GFOD1: variants seen among roughly 807,000 people sequenced by gnomAD.
GFOD1 encodes the protein Gfo/Idh/MocA-like oxidoreductase domain containing 1, also known as glucose-fructose oxidoreductase domain-containing protein 1.
GFOD1 carries 9 observed loss-of-function variants against 25.4 expected under a neutral mutation model. The ratio of observed to expected loss-of-function variants is 0.35; its 90% CI spans 0.21 to 0.62. The LOEUF is 0.62. GFOD1 is among the 20% of genes least tolerant of loss of function. The pLI, the probability that GFOD1 is intolerant of heterozygous loss-of-function variation, is 0.72. For missense variants in GFOD1, 403 were observed against 556.9 expected, an observed-to-expected ratio of 0.72 and a Z score of 2.78; for synonymous variants, 253 against 245.6, an observed-to-expected ratio of 1.03 and a Z score of -0.28.
At chr6:13,369,201 C>T (rs1327768640) in intron 1 of GFOD1, among the ~76,000 whole-genome samples, 2 of 152,180 alleles carry the variant, frequency 1.3e-5, no homozygotes, top group Non-Finnish European at 2.9e-5. Flanking sequence ...TGTTGCCTGC[C>T]CCACCTTTGT....
At chr6:13,428,516 ATGC>A (rs1757685669) in intron 1 of GFOD1, among the ~76,000 whole-genome samples, 1 of 92,130 alleles carries the variant, frequency 1.1e-5, no homozygotes, top group Admixed American at 9.8e-5. Context: ...GTGCGATGCG[ATGC>A]GCTGGCTTTT....
Position 13,486,774 on chromosome 6 carries a change from C to G in GFOD1, c.117G>C (p.Ala39=). 1 of 1,614,168 alleles carries G rather than the reference C, an allele frequency of 6.2e-7. No homozygotes were observed. Among genetic ancestry groups the G allele is most frequent in the Non-Finnish European group, 8.5e-7 (1 of 1,180,016 alleles). ...CACTCATCTCCTTGGCCAGCTCCTCCGCTTCTTCCTGCGTGCGGCCCCACA... is the reference window on the plus strand; with the variant it reads ...CACTCATCTCCTTGGCCAGCTCCTCGGCTTCTTCCTGCGTGCGGCCCCACA... ...KALWGRTQEE[A]EELAKEMSVP... Residue 39 remains alanine, a synonymous_variant, in exon 1 of 2, where the codon GCG becomes GCC. Coordinates refer to ENST00000379287, the MANE Select transcript of GFOD1 (RefSeq NM_018988.4).
At position 13,360,180 on chromosome 6, in the gene GFOD1, G is replaced by A. The variant is rs1784926078; in HGVS notation, c.*4563C>T. The A allele has an allele frequency of 6.4e-6, 1 of 156,790 alleles. No individual in the cohort carries two copies. The highest frequency in any genetic ancestry group is 6.2e-5 in the Admixed American group (1 of 16,150). 9.7% of individuals were successfully genotyped at this position (156,790 alleles called of 1,614,324 possible). Reference sequence around the variant, plus strand: ...GGCTCTACCACTAAAGATGTGGGTGGCCTTGACCATCACTCTCTGTTATGT... The same window carrying A: ...GGCTCTACCACTAAAGATGTGGGTGACCTTGACCATCACTCTCTGTTATGT... On this transcript the variant is annotated 3_prime_UTR_variant, in exon 2 of 2. Coordinates refer to ENST00000379287, the MANE Select transcript of GFOD1 (RefSeq NM_018988.4).
chr6:13,419,785 TG>T (rs1458130576), intron 1 of GFOD1, among the ~76,000 whole-genome samples: 9 of 152,196 alleles, frequency 5.9e-5, no homozygotes, highest in African/African-American at 2.2e-4. Context: ...TGCTTCCACC[TG>T]AAACCTGCTG....
At chr6:13,387,193 T>C (rs551749959) in intron 1 of GFOD1, among the ~76,000 whole-genome samples, 11 of 152,284 alleles carry the variant, frequency 7.2e-5, no homozygotes, top group African/African-American at 2.6e-4. Context: ...CTCAGAGCCA[T>C]TAATGTTTAC....
chr6:13,459,552 T>C (rs1042017326), intron 1 of GFOD1, among the ~76,000 whole-genome samples: 1 of 151,892 alleles, frequency 6.6e-6, no homozygotes, highest in African/African-American at 2.4e-5. Context: ...AAAGAAACTA[T>C]CATCAGAGCA....
At chr6:13,381,438 G>A (rs1447984695) in intron 1 of GFOD1, among the ~76,000 whole-genome samples, 1 of 152,224 alleles carries the variant, frequency 6.6e-6, no homozygotes, top group Non-Finnish European at 1.5e-5. Flanking sequence ...CCAGGATACA[G>A]GTAATAAAGG....
In GFOD1 at chr6:13,374,267, T is replaced by G. The variant is rs199775421; in HGVS notation, c.254-8605A>C. 6.8e-3 allele frequency among the ~76,000 whole-genome samples: 907 copies of G among 133,884 alleles called. 19 individuals are homozygous for G. The highest frequency in any genetic ancestry group is 0.034 in the Middle Eastern group (9 of 266). The allele number at this position is 133,884 out of a possible 152,430, so 87.8% of individuals were successfully genotyped here. On this transcript the variant is annotated intron_variant, in intron 1 of 1. Coordinates refer to ENST00000379287, the MANE Select transcript of GFOD1 (RefSeq NM_018988.4). ...AGCCTAGTCTTTTTAAAAATATGTT[T>G]TTTTTTTGTGTGTGTGTGTGTGTGT...
intron 1 of GFOD1, among the ~76,000 whole-genome samples, chr6:13,429,837 A>G (rs1173892033): frequency 6.6e-6 from 1 of 152,238 alleles, no homozygotes; most frequent in Non-Finnish European, 1.5e-5. Flanking sequence ...TGTAATATAT[A>G]CATTATTATA....
intron 1 of GFOD1, among the ~76,000 whole-genome samples, chr6:13,378,711 C>A (rs1389890347): frequency 6.6e-6 from 1 of 152,136 alleles, no homozygotes; most frequent in Non-Finnish European, 1.5e-5. Flanking sequence ...GATGGGCATG[C>A]CACATACTCC....
chr6:13,473,562 C>T (rs570697620), intron 1 of GFOD1, among the ~76,000 whole-genome samples: 10 of 152,366 alleles, frequency 6.6e-5, no homozygotes, highest in African/African-American at 2.4e-4. Flanking sequence ...GTGACACTTA[C>T]TGCTGATGAA....
At chr6:13,382,459 T>C (rs986626670) in intron 1 of GFOD1, among the ~76,000 whole-genome samples, 2 of 152,150 alleles carry the variant, frequency 1.3e-5, no homozygotes, top group African/African-American at 4.8e-5. Context: ...CCTGCCACCA[T>C]GTAAGATGTG....
In GFOD1 at chr6:13,393,158, C is replaced by T. The variant is rs535119597; in HGVS notation, c.254-27496G>A. Among the ~76,000 whole-genome samples the T allele has an allele frequency of 7.2e-5, 11 of 151,992 alleles. 1 individual carries two copies. Among genetic ancestry groups the T allele is most frequent in the Non-Finnish European group, 4.4e-5 (3 of 67,972 alleles). ...ATCACTTGAGGTCAGGATTTCAAGA[C>T]CAGCCTGGGCAACATGCTGAAACTC... is the stretch of plus-strand genomic sequence containing the variant. On this transcript the variant is annotated intron_variant, in intron 1 of 1. Transcript: ENST00000379287.
At chr6:13,473,900 A>T (rs545987236) in intron 1 of GFOD1, among the ~76,000 whole-genome samples, 2 of 152,088 alleles carry the variant, frequency 1.3e-5, no homozygotes, top group Admixed American at 1.3e-4. Flanking sequence ...TGCACCCGGG[A>T]CGAGTGGGGC....
chr6:13,405,867 G>A (rs771608410), intron 1 of GFOD1, among the ~76,000 whole-genome samples: 1 of 152,126 alleles, frequency 6.6e-6, no homozygotes, highest in Non-Finnish European at 1.5e-5. Context: ...CATAAAAGAC[G>A]GGATTGAGAC....
intron 1 of GFOD1, among the ~76,000 whole-genome samples, chr6:13,409,114 A>G (rs942202160): frequency 2.7e-5 from 2 of 73,320 alleles, no homozygotes; most frequent in African/African-American, 6.8e-5. Context: ...AGAAAGAAAG[A>G]AAGAAAGAAA....
chr6:13,442,049 G>A (rs1584654228), intron 1 of GFOD1, among the ~76,000 whole-genome samples: 1 of 152,216 alleles, frequency 6.6e-6, no homozygotes. Context: ...TGGGATGTAG[G>A]AGGAAACTAG....
At chr6:13,447,717 G>C (rs1398411764) in intron 1 of GFOD1, among the ~76,000 whole-genome samples, 3 of 125,154 alleles carry the variant, frequency 2.4e-5, no homozygotes, top group Non-Finnish European at 4.8e-5. Flanking sequence ...CTCCAGCCTG[G>C]GTGACAGAGC....
intron 1 of GFOD1, among the ~76,000 whole-genome samples, chr6:13,446,175 G>A (rs1303062657): frequency 6.6e-6 from 1 of 152,176 alleles, no homozygotes; most frequent in Non-Finnish European, 1.5e-5. Flanking sequence ...TAACAAAGCT[G>A]CAGCTCTGGG....
Sources: allele counts gnomAD v4.1 joint callset (sites outside exome capture counted in the v4.1 genomes callset), GRCh38; gene constraint gnomAD v4.1.1; transcripts MANE v1.5; gene names NCBI Gene and HGNC (gene_info 2026-07-23, HGNC 2026-07-21).